CSMD1: variants seen among roughly 807,000 people sequenced by gnomAD.
CSMD1 encodes the protein CUB and sushi domain-containing protein 1.
Under a neutral mutation model 417.5 loss-of-function variants are expected in CSMD1, and 213 were observed. The ratio of observed to expected loss-of-function variants is 0.51; its 90% CI spans 0.46 to 0.57. CSMD1 has a LOEUF of 0.57. Ranked by LOEUF, CSMD1 falls within the 20% of genes least tolerant of loss-of-function variation. The pLI, the probability that CSMD1 is intolerant of heterozygous loss-of-function variation, is 0.00. For synonymous variants in CSMD1, 2,862 were observed against 1,736.8 expected (o/e 1.65, Z -16.11); for missense variants, 6,923 against 4,529.7 (o/e 1.53, Z -15.17).
At chr8:3,992,070 C>T (rs966862525) in intron 5 of CSMD1, among the ~76,000 whole-genome samples, 95 of 150,498 alleles carry the variant, frequency 6.3e-4, no homozygotes, top group African/African-American at 1.9e-3. Flanking sequence ...AATTATATCC[C>T]TACACCTTCA....
At chr8:4,440,631 G>A (rs931073712) in intron 2 of CSMD1, among the ~76,000 whole-genome samples, 1 of 152,168 alleles carries the variant, frequency 6.6e-6, no homozygotes, top group African/African-American at 2.4e-5. Flanking sequence ...TGCAATGATA[G>A]GGAAGAAAAA....
At chr8:3,606,279 C>T (rs910847198) in intron 8 of CSMD1, among the ~76,000 whole-genome samples, 2 of 152,084 alleles carry the variant, frequency 1.3e-5, no homozygotes, top group African/African-American at 2.4e-5. Flanking sequence ...GCGAACATCA[C>T]AGAGGGCCCT....
At chr8:4,696,346 G>A (rs1280772630) in intron 1 of CSMD1, among the ~76,000 whole-genome samples, 1 of 152,174 alleles carries the variant, frequency 6.6e-6, no homozygotes, top group Non-Finnish European at 1.5e-5. Flanking sequence ...TTATTGTTTA[G>A]TTCATCTACT....
intron 23 of CSMD1, among the ~76,000 whole-genome samples, chr8:3,321,658 T>C (rs967142098): frequency 6.6e-6 from 1 of 152,134 alleles, no homozygotes; most frequent in African/African-American, 2.4e-5. Context: ...CATATTACTA[T>C]ATTTAACTGG....
intron 5 of CSMD1, among the ~76,000 whole-genome samples, chr8:3,875,879 T>C (rs1186956678): frequency 6.6e-6 from 1 of 152,126 alleles, no homozygotes; most frequent in East Asian, 1.9e-4. Context: ...TGTTCCAAAC[T>C]TGGTAGGAAA....
At chr8:4,830,072 G>A (rs1237066421) in intron 1 of CSMD1, among the ~76,000 whole-genome samples, 3 of 152,144 alleles carry the variant, frequency 2.0e-5, no homozygotes, top group Non-Finnish European at 4.4e-5. Flanking sequence ...GTCCTGCCTA[G>A]GCCAGGGATA....
intron 41 of CSMD1, among the ~76,000 whole-genome samples, chr8:3,125,636 TTCTC>T (rs1190966825): frequency 4.6e-5 from 7 of 152,346 alleles, no homozygotes; most frequent in Non-Finnish European, 1.0e-4. Flanking sequence ...TCTGAAGGCA[TTCTC>T]TCTATTAGTT....
At chr8:4,147,027 A>G (rs1262023107) in intron 3 of CSMD1, among the ~76,000 whole-genome samples, 1 of 151,916 alleles carries the variant, frequency 6.6e-6, no homozygotes, top group Non-Finnish European at 1.5e-5. Flanking sequence ...AGAGTCAGAG[A>G]TCGGGGGTTT....
At chr8:3,922,017 T>C (rs1207417921) in intron 5 of CSMD1, among the ~76,000 whole-genome samples, 2 of 152,142 alleles carry the variant, frequency 1.3e-5, no homozygotes, top group Admixed American at 1.3e-4. Context: ...TTGTTTTCTA[T>C]TTTCCCTCCA....
intron 3 of CSMD1, among the ~76,000 whole-genome samples, chr8:4,362,679 AATT>A (rs1444956518): frequency 6.6e-6 from 1 of 152,214 alleles, no homozygotes; most frequent in Non-Finnish European, 1.5e-5. Context: ...AAATAAAAGA[AATT>A]ATGGGATGAC....
intron 3 of CSMD1, among the ~76,000 whole-genome samples, chr8:4,043,458 A>C (rs1335308933): frequency 1.3e-5 from 2 of 152,218 alleles, no homozygotes; most frequent in East Asian, 3.8e-4. Context: ...ATGGATGAAA[A>C]ATACACCCAG....
chr8:3,484,959 C>A (rs1392280182), intron 11 of CSMD1, among the ~76,000 whole-genome samples: 1 of 151,376 alleles, frequency 6.6e-6, no homozygotes, highest in Non-Finnish European at 1.5e-5. Flanking sequence ...CACTTAACAT[C>A]ATGGGCTGTG....
chr8:4,507,610 C>A (rs942788360), intron 2 of CSMD1, among the ~76,000 whole-genome samples: 4 of 152,084 alleles, frequency 2.6e-5, no homozygotes, highest in Non-Finnish European at 5.9e-5. Context: ...TTGGTGGAAA[C>A]ATCTATTTCC....
rs60411612 is a variant in CSMD1 at position 4,042,815 on chromosome 8, T to TAAAAAA, written c.416-10722_416-10717dup. On this transcript the variant is annotated intron_variant, in intron 3 of 69. Coordinates refer to ENST00000635120, the MANE Select transcript of CSMD1 (RefSeq NM_033225.6). ...CAATAGGTGAAGTGGTACAACATAT[T>TAAAAAA]AAAAAAAAAAAAAAAAAAAAAAAAA... Among the ~76,000 whole-genome samples, 37 of 41,310 alleles carry TAAAAAA rather than the reference T, an allele frequency of 9.0e-4. 3 individuals carry two copies. The highest frequency in any genetic ancestry group is 3.1e-3 in the African/African-American group (32 of 10,344). 27.1% of individuals were successfully genotyped at this position (41,310 alleles called of 152,430 possible). A position where few individuals can be genotyped will look rare whatever the true frequency, so the allele number is the denominator to read the frequency against.
At chr8:4,416,881 T>C (rs770381139) in intron 3 of CSMD1, among the ~76,000 whole-genome samples, 1 of 152,052 alleles carries the variant, frequency 6.6e-6, no homozygotes, top group African/African-American at 2.4e-5. Context: ...TTTATAGACA[T>C]AGTACTTCAA....
intron 23 of CSMD1, among the ~76,000 whole-genome samples, chr8:3,310,577 C>T (rs1452012929): frequency 6.6e-6 from 1 of 152,172 alleles, no homozygotes; most frequent in Non-Finnish European, 1.5e-5. Flanking sequence ...TTGGAACATA[C>T]AATTGGAAAT....
intron 26 of CSMD1, among the ~76,000 whole-genome samples, chr8:3,248,660 A>G (rs1473808187): frequency 1.3e-5 from 2 of 150,416 alleles, no homozygotes; most frequent in Non-Finnish European, 2.9e-5. Context: ...TCATGTCAGC[A>G]ATACTTGATT....
intron 1 of CSMD1, among the ~76,000 whole-genome samples, chr8:4,737,658 A>G (rs1810334019): frequency 6.6e-6 from 1 of 152,212 alleles, no homozygotes; most frequent in Non-Finnish European, 1.5e-5. Context: ...TAAAAGAAAA[A>G]GAGACAGGTT....
intron 5 of CSMD1, among the ~76,000 whole-genome samples, chr8:3,887,960 CAG>C (rs963787449): frequency 1.1e-4 from 17 of 152,218 alleles, no homozygotes; most frequent in African/African-American, 3.6e-4. Context: ...CTTAAGAAAA[CAG>C]AGAAAACAAG....
Sources: gnomAD v4.1 joint callset for allele counts (sites outside exome capture counted in the v4.1 genomes callset) on GRCh38, gnomAD v4.1.1 for gene constraint, MANE v1.5 for transcripts, NCBI Gene and HGNC (gene_info 2026-07-23, HGNC 2026-07-21) for gene names.